FSTL4: variants seen among roughly 807,000 people sequenced by gnomAD.
FSTL4 encodes the protein follistatin like 4.
Under a neutral mutation model 78.2 loss-of-function variants are expected in FSTL4, and 28 were observed. The observed-to-expected ratio is 0.36, with a 90% CI of 0.27 to 0.49. The LOEUF is 0.49. Among genes scored for constraint, FSTL4 ranks in the 20% least tolerant of loss-of-function variants. The probability of loss-of-function intolerance (pLI) is 0.98; values close to 1 mark genes in which losing one functional copy is unlikely to be tolerated. For missense variants in FSTL4, 922 were observed against 1,084.9 expected (o/e 0.85, Z 2.11); for synonymous variants, 422 against 440.5 (o/e 0.96, Z 0.53).
rs558393126 is a variant in FSTL4 at position 133,490,388 on chromosome 5, G to T, written c.160+76798C>A. On this transcript the variant is annotated intron_variant, in intron 3 of 15. Transcript: ENST00000265342. Reference sequence around the variant, plus strand: ...TTAAAAGTTTTTTTTTTTTTTCCAGGGGGCCAGATTTTGATTTTCTTGATC... The same window carrying T: ...TTAAAAGTTTTTTTTTTTTTTCCAGTGGGCCAGATTTTGATTTTCTTGATC... Among the ~76,000 whole-genome samples the T allele has an allele frequency of 6.6e-5, 10 of 151,166 alleles. No individual in the cohort carries two copies. The South Asian group carries it at 2.1e-3, about 32-fold the overall frequency.
At chr5:133,392,044 G>A (rs927096623) in intron 4 of FSTL4, among the ~76,000 whole-genome samples, 1 of 152,150 alleles carries the variant, frequency 6.6e-6, no homozygotes, top group African/African-American at 2.4e-5. Flanking sequence ...AGAAGGGTTC[G>A]AGCAGGACAG....
chr5:133,318,530 G>A (rs1000653445), intron 4 of FSTL4, among the ~76,000 whole-genome samples: 5 of 152,210 alleles, frequency 3.3e-5, no homozygotes, highest in African/African-American at 4.8e-5. Context: ...AGCTGCTGGG[G>A]TAAATGGAGA....
At chr5:133,701,984 T>C in the FSTL4 span, among the ~76,000 whole-genome samples, 1 of 152,254 alleles carries the variant, frequency 6.6e-6, no homozygotes, top group South Asian at 2.1e-4. Context: ...ACTCTACCAC[T>C]GTCATGAATA....
chr5:133,494,534 G>T (rs1354189519), intron 3 of FSTL4, among the ~76,000 whole-genome samples: 1 of 152,114 alleles, frequency 6.6e-6, no homozygotes, highest in Non-Finnish European at 1.5e-5. Context: ...AGGCATTTTT[G>T]GATATCCTGC....
At chr5:133,506,536 G>A (rs576909501) in intron 3 of FSTL4, among the ~76,000 whole-genome samples, 6 of 152,236 alleles carry the variant, frequency 3.9e-5, no homozygotes, top group Middle Eastern at 3.4e-3. Flanking sequence ...CAAGCAGGAC[G>A]AATAAAAATT....
the FSTL4 span, among the ~76,000 whole-genome samples, chr5:133,765,928 T>C: frequency 0.079 from 12,055 of 152,228 alleles, 629 homozygotes; most frequent in African/African-American, 0.14. Context: ...ACAGCAGCCA[T>C]GGCAGGATGG....
the FSTL4 span, among the ~76,000 whole-genome samples, chr5:133,702,923 C>A: frequency 6.6e-6 from 1 of 152,200 alleles, no homozygotes; most frequent in African/African-American, 2.4e-5. Context: ...TCTCTCTTCT[C>A]CCTACATGGG....
chr5:133,582,753 G>A (rs1760449151), intron 2 of FSTL4, among the ~76,000 whole-genome samples: 1 of 152,144 alleles, frequency 6.6e-6, no homozygotes, highest in African/African-American at 2.4e-5. Flanking sequence ...TGGCTCATTT[G>A]TTCCAACCCA....
chr5:133,610,852 C>T (rs1286261189), intron 1 of FSTL4, among the ~76,000 whole-genome samples: 2 of 152,198 alleles, frequency 1.3e-5, no homozygotes, highest in East Asian at 3.8e-4. Context: ...GCTCACTGAT[C>T]CGTCTTTTCC....
At chr5:133,536,584 G>A (rs1319109589) in intron 3 of FSTL4, among the ~76,000 whole-genome samples, 2 of 151,922 alleles carry the variant, frequency 1.3e-5, no homozygotes, top group Non-Finnish European at 2.9e-5. Context: ...ATGAATAGAA[G>A]CAAAGTAGTT....
At chr5:133,359,393 T>C (rs1366523415) in intron 4 of FSTL4, among the ~76,000 whole-genome samples, 2 of 152,182 alleles carry the variant, frequency 1.3e-5, no homozygotes, top group Non-Finnish European at 2.9e-5. Flanking sequence ...GACTGATGAA[T>C]AAAGGTGATG....
chr5:133,610,262 G>T (rs529506877), intron 1 of FSTL4, among the ~76,000 whole-genome samples: 1 of 152,276 alleles, frequency 6.6e-6, no homozygotes, highest in East Asian at 1.9e-4. Flanking sequence ...AAACAAGCTG[G>T]CCTTTTCCAG....
intron 1 of FSTL4, among the ~76,000 whole-genome samples, chr5:133,609,035 C>T (rs1313368110): frequency 6.6e-6 from 1 of 152,164 alleles, no homozygotes. Flanking sequence ...CTCAGAGTTT[C>T]GGTGGCATTG....
chr5:133,781,701 C>A, the FSTL4 span, among the ~76,000 whole-genome samples: 1 of 152,184 alleles, frequency 6.6e-6, no homozygotes, highest in Non-Finnish European at 1.5e-5. Context: ...GGCTTTGAAA[C>A]AGACACATGT....
intron 4 of FSTL4, among the ~76,000 whole-genome samples, chr5:133,329,017 T>C (rs1267182050): frequency 6.6e-6 from 1 of 152,106 alleles, no homozygotes. Flanking sequence ...GACTGAGTGG[T>C]GGGCACATCC....
the FSTL4 span, among the ~76,000 whole-genome samples, chr5:133,828,453 A>G: frequency 6.6e-6 from 1 of 152,186 alleles, no homozygotes; most frequent in Non-Finnish European, 1.5e-5. Context: ...AATGTGAAAA[A>G]GTGCTATTTT....
At chr5:133,698,578 C>T in the FSTL4 span, among the ~76,000 whole-genome samples, 1 of 152,212 alleles carries the variant, frequency 6.6e-6, no homozygotes, top group Non-Finnish European at 1.5e-5. Context: ...CCATTACATG[C>T]GATAATGCGT....
At chr5:133,398,972 C>G (rs1756146658) in intron 4 of FSTL4, among the ~76,000 whole-genome samples, 2 of 152,220 alleles carry the variant, frequency 1.3e-5, no homozygotes, top group African/African-American at 4.8e-5. Flanking sequence ...GAGCCCTGAT[C>G]TGCTCAAGGC....
At chr5:133,608,694 G>T (rs1292466299) in intron 1 of FSTL4, among the ~76,000 whole-genome samples, 2 of 152,180 alleles carry the variant, frequency 1.3e-5, no homozygotes, top group African/African-American at 4.8e-5. Context: ...TCTAAAATAA[G>T]CTAATATCTG....
Sources: gnomAD v4.1 joint callset for allele counts (sites outside exome capture counted in the v4.1 genomes callset) on GRCh38, gnomAD v4.1.1 for gene constraint, MANE v1.5 for transcripts, NCBI Gene and HGNC (gene_info 2026-07-23, HGNC 2026-07-21) for gene names.